Variants in SGCD observed in about 807,000 individuals in gnomAD.
The protein encoded by SGCD is sarcoglycan delta, also known as delta-sarcoglycan.
A neutral mutation model predicts 36.6 loss-of-function variants in SGCD; 18 were observed. The ratio of observed to expected loss-of-function variants is 0.49; its 90% CI spans 0.34 to 0.73. The LOEUF (loss-of-function observed/expected upper bound fraction) is 0.73. Ranked by LOEUF, SGCD falls within the 30% of genes least tolerant of loss-of-function variation. The probability of loss-of-function intolerance (pLI) is 0.01; values close to 1 mark genes in which losing one functional copy is unlikely to be tolerated. For synonymous variants in SGCD, 133 were observed against 130.6 expected (o/e 1.02, Z -0.12); for missense variants, 387 against 346.7 (o/e 1.12, Z -0.92).
chr5:156,061,112 A>T lies in SGCD; in HGVS notation c.-281-56766A>T, dbSNP rs1160809456. ...TTATCCTTACCTGAGTCAAAGCACTAGTCTCACAGAGACGTTATTAATGAG... is the reference window on the plus strand; with the variant it reads ...TTATCCTTACCTGAGTCAAAGCACTTGTCTCACAGAGACGTTATTAATGAG... On this transcript the variant is annotated intron_variant, in intron 1 of 9. Coordinates refer to the SGCD transcript ENST00000517913. Among the ~76,000 whole-genome samples, 3 of 146,254 alleles carry T rather than the reference A, an allele frequency of 2.1e-5. 1 individual carries two copies. The highest frequency in any genetic ancestry group is 1.4e-4 in the Admixed American group (2 of 14,632).
chr5:156,271,871 G>A (rs73302655), intron 3 of SGCD, among the ~76,000 whole-genome samples: 8,210 of 152,166 alleles, frequency 0.054, 249 homozygotes, highest in Non-Finnish European at 0.069. Context: ...CCAACATTCT[G>A]ATAAATAAAC....
At chr5:156,426,345 T>A (rs2127783974) in intron 3 of SGCD, among the ~76,000 whole-genome samples, 1 of 152,212 alleles carries the variant, frequency 6.6e-6, no homozygotes, top group Non-Finnish European at 1.5e-5. Flanking sequence ...TGAGCATTTT[T>A]TATGTTCATT....
chr5:155,883,959 G>T (rs887583190), intron 1 of SGCD, among the ~76,000 whole-genome samples: 1 of 152,076 alleles, frequency 6.6e-6, no homozygotes, highest in African/African-American at 2.4e-5. Flanking sequence ...TAAATTTCAG[G>T]TTTCTAGACT....
At chr5:156,757,806 C>T in intron 8 of SGCD, 102 bp downstream of exon 8, 1 of 1,407,508 alleles carries the variant, frequency 7.1e-7, no homozygotes, top group Non-Finnish European at 9.3e-7. Context: ...AGTGTATCAA[C>T]AAAAGGAGCC....
At chr5:156,545,318 C>T (rs1381560325) in intron 4 of SGCD, among the ~76,000 whole-genome samples, 1 of 152,126 alleles carries the variant, frequency 6.6e-6, no homozygotes, top group Non-Finnish European at 1.5e-5. Context: ...TCTGGAGCCT[C>T]AGATTTCTAA....
intron 3 of SGCD, among the ~76,000 whole-genome samples, chr5:156,289,412 G>A (rs950530657): frequency 6.6e-6 from 1 of 151,738 alleles, no homozygotes; most frequent in Non-Finnish European, 1.5e-5. Context: ...CATCACCTGG[G>A]TATTAAGCCC....
At chr5:155,736,139 A>G in the SGCD span, among the ~76,000 whole-genome samples, 1 of 152,336 alleles carries the variant, frequency 6.6e-6, no homozygotes, top group Admixed American at 6.5e-5. Flanking sequence ...GTTAACACAC[A>G]GATCTTTATC....
At chr5:156,170,297 G>T (rs1452879989) in intron 3 of SGCD, among the ~76,000 whole-genome samples, 1 of 152,200 alleles carries the variant, frequency 6.6e-6, no homozygotes, top group South Asian at 2.1e-4. Context: ...ACCATTTTTA[G>T]TGTTGGGAGC....
At chr5:156,450,949 A>G (rs187871344) in intron 3 of SGCD, among the ~76,000 whole-genome samples, 4 of 152,314 alleles carry the variant, frequency 2.6e-5, no homozygotes, top group East Asian at 1.9e-4. Context: ...GCAGACTCCA[A>G]TAATTCCTGA....
intron 1 of SGCD, among the ~76,000 whole-genome samples, chr5:155,884,517 G>T (rs1301361103): frequency 1.3e-5 from 2 of 152,192 alleles, no homozygotes; most frequent in Admixed American, 6.5e-5. Context: ...TGCTGTAATT[G>T]TACCATATAT....
At chr5:156,757,763 C>T (rs763965786) in intron 8 of SGCD, 59 bp downstream of exon 8, 2 of 1,561,290 alleles carry the variant, frequency 1.3e-6, no homozygotes, top group Non-Finnish European at 1.7e-6. Context: ...CCAACCCTTC[C>T]CATAACTGGT....
At chr5:156,726,816 A>AT (rs1356733173) in intron 7 of SGCD, among the ~76,000 whole-genome samples, 22 of 152,180 alleles carry the variant, frequency 1.4e-4, no homozygotes, top group Non-Finnish European at 2.8e-4. Context: ...ATCAGTGCTG[A>AT]TGTTAGGGCC....
intron 3 of SGCD, among the ~76,000 whole-genome samples, chr5:156,389,030 A>G (rs1361848785): frequency 6.6e-6 from 1 of 152,204 alleles, no homozygotes; most frequent in Non-Finnish European, 1.5e-5. Context: ...AGTAAGGCTG[A>G]CACAGGACTT....
chr5:156,565,769 T>C (rs1759455167), intron 4 of SGCD, among the ~76,000 whole-genome samples: 1 of 150,736 alleles, frequency 6.6e-6, no homozygotes, highest in South Asian at 2.1e-4. Flanking sequence ...ATAGTTCAAC[T>C]CCCACTTATG....
chr5:155,994,443 A>G (rs922971689), intron 1 of SGCD, among the ~76,000 whole-genome samples: 2 of 152,202 alleles, frequency 1.3e-5, no homozygotes, highest in African/African-American at 4.8e-5. Flanking sequence ...GGACTTGGAA[A>G]GATGATGAGA....
At chr5:156,275,559 T>C (rs894850538) in intron 3 of SGCD, among the ~76,000 whole-genome samples, 7 of 152,122 alleles carry the variant, frequency 4.6e-5, no homozygotes, top group Non-Finnish European at 1.0e-4. Context: ...CATTAATGAG[T>C]GGCAGTCTTC....
chr5:156,252,641 C>CA (rs1765611323), intron 3 of SGCD, among the ~76,000 whole-genome samples: 1 of 152,152 alleles, frequency 6.6e-6, no homozygotes, highest in Non-Finnish European at 1.5e-5. Context: ...CAGAGGAAAG[C>CA]AATAGTGGCC....
At chr5:156,425,566 T>A (rs958031896) in intron 3 of SGCD, among the ~76,000 whole-genome samples, 23 of 152,180 alleles carry the variant, frequency 1.5e-4, no homozygotes, top group South Asian at 6.2e-4. Flanking sequence ...GGGTTTTTTT[T>A]ATTTAATTTC....
At chr5:156,162,490 G>T (rs894424341) in intron 3 of SGCD, among the ~76,000 whole-genome samples, 2 of 151,556 alleles carry the variant, frequency 1.3e-5, no homozygotes, top group Non-Finnish European at 2.9e-5. Flanking sequence ...AAGGACCAGG[G>T]AACCAGGTAG....
Sources: gnomAD v4.1 joint callset for allele counts (sites outside exome capture counted in the v4.1 genomes callset) on GRCh38, gnomAD v4.1.1 for gene constraint, MANE v1.5 for transcripts, NCBI Gene and HGNC (gene_info 2026-07-23, HGNC 2026-07-21) for gene names.